CSMD1: variants seen among roughly 807,000 people sequenced by gnomAD.
CSMD1 encodes CUB and sushi domain-containing protein 1.
In CSMD1, 213 loss-of-function variants were observed where a neutral mutation model predicts 417.5. The ratio of observed to expected loss-of-function variants is 0.51; its 90% CI spans 0.46 to 0.57. The LOEUF (loss-of-function observed/expected upper bound fraction) is 0.57, where lower values mean the gene tolerates loss of function less well. CSMD1 is among the 20% of genes least tolerant of loss of function. CSMD1 has a pLI of 0.00. For missense variants in CSMD1, 6,923 were observed against 4,529.7 expected (o/e 1.53, Z -15.17); for synonymous variants, 2,862 against 1,736.8 (o/e 1.65, Z -16.11).
intron 8 of CSMD1, among the ~76,000 whole-genome samples, chr8:3,615,653 A>G (rs1802100151): frequency 6.6e-6 from 1 of 152,258 alleles, no homozygotes; most frequent in East Asian, 1.9e-4. Context: ...GACCGTTGTT[A>G]CTCCAATTTA....
Position 3,814,267 on chromosome 8 carries a change from G to A in CSMD1, c.819-60225C>T, listed in dbSNP as rs1411282902. Among the ~76,000 whole-genome samples, 3 of 152,118 alleles carry A rather than the reference G, an allele frequency of 2.0e-5. No homozygotes were observed. In the East Asian group the frequency reaches 5.8e-4, roughly 29 times the overall value. On this transcript the variant is annotated intron_variant, in intron 5 of 69. Coordinates refer to ENST00000635120, the MANE Select transcript of CSMD1 (RefSeq NM_033225.6). ...TGCGATCTTGCTTATACTTAGTTCTGAAATTCTGTATCTGAATCTTGAGTC... is the reference window on the plus strand; with the variant it reads ...TGCGATCTTGCTTATACTTAGTTCTAAAATTCTGTATCTGAATCTTGAGTC...
intron 69 of CSMD1, among the ~76,000 whole-genome samples, chr8:2,940,185 G>C (rs73494885): frequency 0.014 from 2,117 of 152,322 alleles, 47 homozygotes; most frequent in African/African-American, 0.045. Flanking sequence ...TTCCTGACCA[G>C]GTGGTGAGAA....
chr8:3,616,472 C>G (rs1259946431), intron 8 of CSMD1, among the ~76,000 whole-genome samples: 5 of 152,112 alleles, frequency 3.3e-5, no homozygotes, highest in Non-Finnish European at 7.3e-5. Flanking sequence ...ATAAATTACC[C>G]ACTCTCTGGT....
chr8:3,955,116 C>T (rs907618362), intron 5 of CSMD1, among the ~76,000 whole-genome samples: 2 of 151,960 alleles, frequency 1.3e-5, no homozygotes, highest in African/African-American at 4.8e-5. Context: ...GTCTCCTGCC[C>T]CCCTCATACC....
intron 2 of CSMD1, among the ~76,000 whole-genome samples, chr8:4,433,335 G>C (rs1273790571): frequency 1.3e-5 from 2 of 152,138 alleles, no homozygotes; most frequent in African/African-American, 4.8e-5. Context: ...CACCAGAAAG[G>C]TTGGGGACTG....
intron 40 of CSMD1, among the ~76,000 whole-genome samples, chr8:3,145,441 G>T (rs1168952169): frequency 6.6e-6 from 1 of 152,278 alleles, no homozygotes; most frequent in East Asian, 1.9e-4. Flanking sequence ...AGGGTGCAAA[G>T]AAATGGAGGA....
chr8:4,429,891 T>A (rs1342681821), intron 2 of CSMD1, among the ~76,000 whole-genome samples: 1 of 152,074 alleles, frequency 6.6e-6, no homozygotes, highest in African/African-American at 2.4e-5. Context: ...CTCTCCTCCA[T>A]TTTTGGCCAA....
At chr8:4,823,049 C>T (rs1361788830) in intron 1 of CSMD1, among the ~76,000 whole-genome samples, 1 of 152,026 alleles carries the variant, frequency 6.6e-6, no homozygotes, top group Non-Finnish European at 1.5e-5. Flanking sequence ...CTGTGAAATG[C>T]ATTTTTGCCA....
At chr8:3,845,190 G>T (rs149266360) in intron 5 of CSMD1, among the ~76,000 whole-genome samples, 174 of 152,288 alleles carry the variant, frequency 1.1e-3, no homozygotes, top group African/African-American at 3.9e-3. Flanking sequence ...CATACCGTTA[G>T]GAAAATAGTG....
rs771657335 is a variant in CSMD1 at position 3,230,146 on chromosome 8, G to T, written c.4239C>A (p.Val1413=). Residue 1413 remains valine (V), a synonymous_variant, in exon 27 of 70, where the codon GTC becomes GTA. Coordinates refer to ENST00000635120, the MANE Select transcript of CSMD1 (RefSeq NM_033225.6). ...GATAGCCAGGGTCACACTGGAATGT[G>T]ACGGTGTCTCCAGCCTCTCTGCTGT... The part of the protein sequence containing the change: ...YGDSREAGDT[V]TFQCDPGYQL... 13 of 1,613,714 alleles carry T rather than the reference G, an allele frequency of 8.1e-6. No homozygotes were observed. The highest frequency in any genetic ancestry group is 1.1e-5 in the Non-Finnish European group (13 of 1,179,738).
At chr8:3,008,022 A>G (rs576641883) in intron 52 of CSMD1, among the ~76,000 whole-genome samples, 1 of 152,214 alleles carries the variant, frequency 6.6e-6, no homozygotes, top group African/African-American at 2.4e-5. Flanking sequence ...GAAAAAGGGG[A>G]GTTATTTTAA....
chr8:3,984,344 T>C (rs1400732998), intron 5 of CSMD1, among the ~76,000 whole-genome samples: 1 of 152,128 alleles, frequency 6.6e-6, no homozygotes, highest in Non-Finnish European at 1.5e-5. Context: ...CAAAAGAAAA[T>C]GCTGACGACA....
chr8:4,119,247 T>A (rs1031132044), intron 3 of CSMD1, among the ~76,000 whole-genome samples: 7 of 152,016 alleles, frequency 4.6e-5, no homozygotes, highest in Non-Finnish European at 1.0e-4. Context: ...TCCTAGAACT[T>A]AAAGTAAAAT....
intron 3 of CSMD1, among the ~76,000 whole-genome samples, chr8:4,103,421 C>CT (rs1357759735): frequency 4.6e-5 from 7 of 151,116 alleles, no homozygotes; most frequent in African/African-American, 1.7e-4. Flanking sequence ...TAAACCTTGG[C>CT]TTTTTTGTCT....
At chr8:4,418,685 T>C (rs1206518238) in intron 3 of CSMD1, among the ~76,000 whole-genome samples, 1 of 152,210 alleles carries the variant, frequency 6.6e-6, no homozygotes, top group Non-Finnish European at 1.5e-5. Context: ...ATTTAGAGTT[T>C]ATATGAAGTG....
chr8:3,894,415 C>G (rs1388600294), intron 5 of CSMD1, among the ~76,000 whole-genome samples: 1 of 152,022 alleles, frequency 6.6e-6, no homozygotes, highest in Non-Finnish European at 1.5e-5. Flanking sequence ...TTCCAAAGAC[C>G]AGCATAATTT....
rs767707466 is a variant in CSMD1, at chr8:3,396,177, G to A, written c.2593+17C>T. ...GCATGCTGCCCTGCCGGGCTGTCAAGGGAAGGTGCAACTCACTCTCATAGT... is the reference window on the plus strand; with the variant it reads ...GCATGCTGCCCTGCCGGGCTGTCAAAGGAAGGTGCAACTCACTCTCATAGT... On this transcript the variant is annotated intron_variant, in intron 17 of 69. Transcript: ENST00000635120. The A allele has an allele frequency of 3.9e-6, 6 of 1,552,738 alleles. No homozygotes were observed. Among genetic ancestry groups the A allele is most frequent in the Non-Finnish European group, 5.2e-6 (6 of 1,148,026 alleles).
rs563267367 is a variant in CSMD1, at chr8:4,353,771, T to C, written c.415+66182A>G. On this transcript the variant is annotated intron_variant, in intron 3 of 69. Coordinates refer to ENST00000635120, the MANE Select transcript of CSMD1 (RefSeq NM_033225.6). ...TTTCTTTTTTTGCCCTTCACACATT[T>C]GATTTACTTATTTGCTGGCTTATAA... Among the ~76,000 whole-genome samples the C allele has an allele frequency of 1.0e-3, 156 of 152,272 alleles. 1 individual carries two copies. The South Asian group carries it at 0.012, about 12-fold the overall frequency.
rs1385071509 is a variant in CSMD1, at chr8:4,384,281, C to T, written c.415+35672G>A. Among the ~76,000 whole-genome samples the T allele has an allele frequency of 2.6e-5, 4 of 152,102 alleles. No homozygotes were observed. The East Asian group carries it at 5.8e-4, about 22-fold the overall frequency. On this transcript the variant is annotated intron_variant, in intron 3 of 69. Coordinates refer to ENST00000635120, the MANE Select transcript of CSMD1 (RefSeq NM_033225.6). ...TTTGCCATTGCCAACATGGTAAAGC[C>T]TTAGCCAATTAAGATCCATAAAGGG...
Sources: gnomAD v4.1 joint callset for allele counts (sites outside exome capture counted in the v4.1 genomes callset) on GRCh38, gnomAD v4.1.1 for gene constraint, MANE v1.5 for transcripts, NCBI Gene and HGNC (gene_info 2026-07-23, HGNC 2026-07-21) for gene names.